The following RSRC2 variants were observed in gnomAD, a reference collection of about 807,000 sequenced individuals.
RSRC2 encodes the protein arginine and serine rich coiled-coil 2.
A neutral mutation model predicts 61.3 loss-of-function variants in RSRC2; 5 were observed. The ratio of observed to expected loss-of-function variants is 0.08; its 90% CI spans 0.04 to 0.17. The LOEUF (loss-of-function observed/expected upper bound fraction) is 0.17, where lower values mean the gene tolerates loss of function less well. Among genes scored for constraint, RSRC2 ranks in the 10% least tolerant of loss-of-function variants. RSRC2 has a pLI of 1.00. For missense variants in RSRC2, 381 were observed against 518.8 expected (o/e 0.73, Z 2.58); for synonymous variants, 202 against 166.5 (o/e 1.21, Z -1.64).
chr12:122,517,736 G>GT (rs1959045377), intron 4 of RSRC2, among the ~76,000 whole-genome samples: 1 of 151,842 alleles, frequency 6.6e-6, no homozygotes, highest in Admixed American at 6.6e-5. Context: ...TAATACTTTA[G>GT]TTTATCTACT....
chr12:122,515,196 T>C lies in RSRC2; in HGVS notation c.634A>G (p.Arg212Gly), dbSNP rs1364238591. The change falls in exon 6 of 10, where the codon AGA (arginine) becomes GGA (glycine). Residue 212 changes from arginine to glycine, a missense_variant. Arg to Gly is a moderately radical substitution (Grantham distance 125). This residue lies in a region of RSRC2 where 266 missense variants were observed against 270.5 expected (regional missense o/e 0.98). Transcript: ENST00000331738. ...GTCCGGCTTAAACTTCTGCTAAATCTTCTCGGCTTTTCAATTCTCTTCTTT... is the reference window on the plus strand; with the variant it reads ...GTCCGGCTTAAACTTCTGCTAAATCCTCTCGGCTTTTCAATTCTCTTCTTT... ...DRKKRIEKPR[R>G]FSRSLSRTPS... 8 of 1,614,114 alleles carry C rather than the reference T, an allele frequency of 5.0e-6. No individual in the cohort carries two copies. The highest frequency in any genetic ancestry group is 6.8e-6 in the Non-Finnish European group (8 of 1,179,980).
intron 4 of RSRC2, among the ~76,000 whole-genome samples, chr12:122,518,429 C>T (rs936802565): frequency 2.0e-5 from 3 of 151,928 alleles, no homozygotes; most frequent in Non-Finnish European, 4.4e-5. Flanking sequence ...CTCATCTCTA[C>T]TAAAAATACA....
At chr12:122,506,609 ACC>A (rs1443494678) in intron 9 of RSRC2, 1 of 445,570 alleles carries the variant, frequency 2.2e-6, no homozygotes, top group African/African-American at 2.0e-5. Context: ...GCAGAGCAAA[ACC>A]CCGTCTCTCT....
intron 2 of RSRC2, among the ~76,000 whole-genome samples, chr12:122,521,911 G>A (rs768241668): frequency 4.6e-5 from 7 of 152,234 alleles, no homozygotes; most frequent in Admixed American, 4.6e-4. Context: ...TGAGGCAGAA[G>A]AACTGCCTGA....
intron 1 of RSRC2, among the ~76,000 whole-genome samples, chr12:122,524,662 T>C (rs2137565060): frequency 6.6e-6 from 1 of 152,254 alleles, no homozygotes; most frequent in South Asian, 2.1e-4. Flanking sequence ...AAAACCATCT[T>C]AACACTAAAC....
At chr12:122,506,202 A>G (rs1318856308) in intron 9 of RSRC2, among the ~76,000 whole-genome samples, 2 of 151,236 alleles carry the variant, frequency 1.3e-5, no homozygotes, top group South Asian at 2.1e-4. Flanking sequence ...CCTGGCCAAC[A>G]TGGTGAAACC....
At chr12:122,522,320 G>T (rs750092794) in intron 1 of RSRC2, 21 bp from the exon 2 acceptor site, 2 of 1,566,272 alleles carry the variant, frequency 1.3e-6, no homozygotes, top group Non-Finnish European at 1.7e-6. Context: ...AAAAACAAAT[G>T]ATTAAAGTTC....
chr12:122,508,941 A>G (rs1958297894), intron 7 of RSRC2, among the ~76,000 whole-genome samples: 1 of 151,888 alleles, frequency 6.6e-6, no homozygotes, highest in Non-Finnish European at 1.5e-5. Context: ...GGGCAACAAG[A>G]GCGAAACTCC....
chr12:122,519,117 C>T, intron 3 of RSRC2, 88 bp from the exon 4 acceptor site: 1 of 1,024,366 alleles, frequency 9.8e-7, no homozygotes, highest in Non-Finnish European at 1.5e-6. Context: ...TGTTGTGATG[C>T]AACATTAGTA....
intron 1 of RSRC2, among the ~76,000 whole-genome samples, chr12:122,525,434 T>G (rs1479792413): frequency 6.6e-6 from 1 of 152,092 alleles, no homozygotes; most frequent in African/African-American, 2.4e-5. Flanking sequence ...TTAAGTATAC[T>G]GAGGCCCAAA....
intron 1 of RSRC2, 92 bp downstream of exon 1, chr12:122,526,756 A>T: frequency 6.9e-7 from 1 of 1,458,894 alleles, no homozygotes; most frequent in Admixed American, 1.7e-5. Context: ...GTCTACACAC[A>T]TACACACGAA....
chr12:122,517,650 A>G (rs531744502), intron 4 of RSRC2, among the ~76,000 whole-genome samples: 2 of 152,260 alleles, frequency 1.3e-5, no homozygotes, highest in Non-Finnish European at 2.9e-5. Context: ...ACCTATTAAC[A>G]TGTCAAAAGC....
At chr12:122,506,948 A>G in intron 8 of RSRC2, 25 bp from the exon 9 acceptor site, 10 of 1,265,522 alleles carry the variant, frequency 7.9e-6, no homozygotes, top group Non-Finnish European at 1.1e-5. Flanking sequence ...TGAACTTTAA[A>G]ATATGTAAAA....
intron 6 of RSRC2, chr12:122,513,989 G>A (rs1332518681): frequency 6.3e-6 from 1 of 158,004 alleles, no homozygotes; most frequent in Non-Finnish European, 1.4e-5. Context: ...CCGTCATCAT[G>A]TGCCACTGCA....
chr12:122,516,973 C>G (rs1002089767), intron 5 of RSRC2, among the ~76,000 whole-genome samples: 1 of 152,156 alleles, frequency 6.6e-6, no homozygotes, highest in Non-Finnish European at 1.5e-5. Flanking sequence ...AACCACGACA[C>G]CTAGCCAACA....
At chr12:122,509,817 A>G (rs1958360792) in intron 7 of RSRC2, among the ~76,000 whole-genome samples, 1 of 152,128 alleles carries the variant, frequency 6.6e-6, no homozygotes, top group Non-Finnish European at 1.5e-5. Flanking sequence ...GCTCTTCGTG[A>G]TAATTTTTTG....
At chr12:122,518,715 C>T (rs950638110) in intron 4 of RSRC2, 124 bp downstream of exon 4, 2 of 823,110 alleles carry the variant, frequency 2.4e-6, no homozygotes, top group African/African-American at 1.7e-5. Flanking sequence ...CAAACAAAAC[C>T]ACAAACCCAA....
intron 5 of RSRC2, among the ~76,000 whole-genome samples, chr12:122,516,713 G>T (rs1395904293): frequency 6.6e-6 from 1 of 152,070 alleles, no homozygotes; most frequent in Admixed American, 6.6e-5. Flanking sequence ...TGTTTGTTAC[G>T]ACAGGATTCA....
chr12:122,507,176 G>T (rs1027561261), intron 8 of RSRC2: 4 of 463,898 alleles, frequency 8.6e-6, no homozygotes, highest in Non-Finnish European at 1.6e-5. Context: ...TCAGGGGATC[G>T]AGACTAGCCT....
Sources: gnomAD v4.1 joint callset for allele counts (sites outside exome capture counted in the v4.1 genomes callset) on GRCh38, gnomAD v4.1.1 for gene constraint, gnomAD v4.1.1 regional missense constraint, MANE v1.5 for transcripts, NCBI Gene and HGNC (gene_info 2026-07-23, HGNC 2026-07-21) for gene names.